The following EPHX2 variants were observed in gnomAD, a reference collection of about 807,000 sequenced individuals.
EPHX2 encodes epoxide hydrolase 2, also known as bifunctional epoxide hydrolase 2.
EPHX2 carries 74 observed loss-of-function variants against 78.7 expected under a neutral mutation model. The observed-to-expected ratio is 0.94, with a 90% CI of 0.78 to 1.14. The LOEUF is 1.14. Ranked by LOEUF, EPHX2 falls within the 50% of genes most tolerant of loss-of-function variation. The pLI is 0.00. For missense variants in EPHX2, 715 were observed against 702.5 expected, an observed-to-expected ratio of 1.02 and a Z score of -0.20; for synonymous variants, 251 against 255.2, an observed-to-expected ratio of 0.98 and a Z score of 0.16.
Position 27,522,327 on chromosome 8 carries a change from G to T in EPHX2, c.973-96G>T, listed in dbSNP as rs1011769444. The T allele has an allele frequency of 2.9e-5, 34 of 1,158,100 alleles. No homozygotes were observed. The South Asian group carries it at 4.6e-4, about 16-fold the overall frequency. 71.7% of individuals were successfully genotyped at this position (1,158,100 alleles called of 1,614,324 possible). A position where few individuals can be genotyped will look rare whatever the true frequency, so the allele number is the denominator to read the frequency against. ...AGAGCTGCTGTGGGTCGGGGGAGGA[G>T]ACCCTGGTGTCGAGGGGCTGGCTGA... On this transcript the variant is annotated intron_variant, in intron 10 of 18. Transcript: ENST00000521400.
At chr8:27,531,884 G>A (rs1022856942) in intron 12 of EPHX2, among the ~76,000 whole-genome samples, 11 of 152,152 alleles carry the variant, frequency 7.2e-5, no homozygotes, top group African/African-American at 2.7e-4. Flanking sequence ...AGGCAATCCT[G>A]TGCCCTCCAC....
chr8:27,525,999 C>T (rs72475898), intron 12 of EPHX2, among the ~76,000 whole-genome samples: 1,790 of 152,340 alleles, frequency 0.012, 34 homozygotes, highest in African/African-American at 0.041. Context: ...CAGGAGTCAA[C>T]GTCACCTGGC....
intron 12 of EPHX2, among the ~76,000 whole-genome samples, chr8:27,526,465 G>A (rs1306813279): frequency 6.6e-6 from 1 of 152,188 alleles, no homozygotes; most frequent in Non-Finnish European, 1.5e-5. Context: ...CCTTTGGCCT[G>A]AATGAAAGCA....
At chr8:27,510,488 G>T (rs1360886359) in intron 5 of EPHX2, among the ~76,000 whole-genome samples, 1 of 152,182 alleles carries the variant, frequency 6.6e-6, no homozygotes, top group Admixed American at 6.5e-5. Context: ...CCTGCCGGTG[G>T]AAGGCTATTA....
At chr8:27,496,988 G>T (rs987771666) in intron 1 of EPHX2, among the ~76,000 whole-genome samples, 1 of 152,222 alleles carries the variant, frequency 6.6e-6, no homozygotes, top group Non-Finnish European at 1.5e-5. Flanking sequence ...TGTGTGAAAA[G>T]AGCAAAGTCT....
intron 6 of EPHX2, 58 bp downstream of exon 6, chr8:27,511,968 G>A (rs1202771196): frequency 9.2e-6 from 14 of 1,518,996 alleles, no homozygotes; most frequent in Admixed American, 1.7e-5. Flanking sequence ...CACCTAAAAC[G>A]ACCAGCAGAG....
In EPHX2 at chr8:27,503,779, T is replaced by C. The variant is rs745864157; in HGVS notation, c.346+16T>C. The C allele has an allele frequency of 3.1e-6, 5 of 1,605,940 alleles. No individual in the cohort carries two copies. Among genetic ancestry groups the C allele is most frequent in the Non-Finnish European group, 3.4e-6 (4 of 1,178,488 alleles). On this transcript the variant is annotated intron_variant, in intron 3 of 18. Transcript: ENST00000521400. ...AGGAAGAAAGGTAAGGATCTGATAC[T>C]GGCCAATCTCAGGCCGAACCACCCA...
chr8:27,524,357 A>G (rs920788138), intron 11 of EPHX2, among the ~76,000 whole-genome samples: 2 of 151,960 alleles, frequency 1.3e-5, no homozygotes, highest in African/African-American at 4.8e-5. Context: ...GTGCTTGATT[A>G]ATCTTCCTGA....
chr8:27,543,663 G>A, intron 16 of EPHX2, 86 bp from the exon 17 acceptor site: 5 of 1,349,438 alleles, frequency 3.7e-6, no homozygotes, highest in Non-Finnish European at 4.2e-6. Context: ...GACCACAGCA[G>A]GGTGGCGAGC....
chr8:27,497,629 C>A (rs1813622174), intron 1 of EPHX2, among the ~76,000 whole-genome samples: 1 of 152,168 alleles, frequency 6.6e-6, no homozygotes, highest in Non-Finnish European at 1.5e-5. Context: ...ATATCTGCGG[C>A]TGATTGGGTA....
intron 9 of EPHX2, 48 bp downstream of exon 9, chr8:27,518,120 G>T (rs755731146): frequency 3.2e-6 from 5 of 1,541,640 alleles, no homozygotes; most frequent in Non-Finnish European, 4.4e-6. Flanking sequence ...GATTTTTGTT[G>T]CTATAAACCC....
intron 8 of EPHX2, 94 bp from the exon 9 acceptor site, chr8:27,517,944 G>C: frequency 1.1e-6 from 1 of 913,322 alleles, no homozygotes; most frequent in South Asian, 1.5e-5. Context: ...GTTGTTGTTT[G>C]GTTTTTGGTT....
intron 5 of EPHX2, among the ~76,000 whole-genome samples, chr8:27,510,172 G>T (rs530653860): frequency 2.0e-5 from 3 of 152,178 alleles, no homozygotes; most frequent in Non-Finnish European, 4.4e-5. Flanking sequence ...CTTAGCTTAC[G>T]TCCCCATTTT....
Position 27,544,517 on chromosome 8 carries a change from A to G in EPHX2, c.1663A>G (p.Met555Val). 6.2e-7 allele frequency: 1 copy of G among 1,613,588 alleles called. No homozygotes were observed. ...CCGGAACCCACCGGTGGTCTCAAAGATGTAGAACGCAGCGTGTGCCCACGC... is the reference window on the plus strand; with the variant it reads ...CCGGAACCCACCGGTGGTCTCAAAGGTGTAGAACGCAGCGTGTGCCCACGC... ...DARNPPVVSK[M>V] Residue 555 changes from methionine to valine, a missense_variant, in exon 19 of 19, where the codon ATG (methionine) becomes GTG (valine). Transcript: ENST00000521400.
chr8:27,532,520 G>A (rs1359200030), intron 12 of EPHX2, among the ~76,000 whole-genome samples: 2 of 152,126 alleles, frequency 1.3e-5, no homozygotes, highest in Non-Finnish European at 2.9e-5. Context: ...AGTTCTTGAG[G>A]CTAGATGTTC....
At chr8:27,508,935 C>G (rs923619548) in intron 5 of EPHX2, among the ~76,000 whole-genome samples, 1 of 148,036 alleles carries the variant, frequency 6.8e-6, no homozygotes, top group East Asian at 2.0e-4. Flanking sequence ...CCCCTGGCAA[C>G]CCCCATCCTG....
At chr8:27,501,330 C>G in intron 2 of EPHX2, among the ~76,000 whole-genome samples, 1 of 54,062 alleles carries the variant, frequency 1.8e-5, no homozygotes, top group South Asian at 6.0e-4. Flanking sequence ...ATATTTTCTT[C>G]TTCTTCTTCT....
intron 1 of EPHX2, among the ~76,000 whole-genome samples, chr8:27,494,294 G>A (rs987265418): frequency 3.9e-5 from 6 of 152,162 alleles, no homozygotes; most frequent in African/African-American, 1.4e-4. Context: ...GGTATTCGTG[G>A]TCACAAGGTC....
intron 13 of EPHX2, 55 bp from the exon 14 acceptor site, chr8:27,538,604 T>C: frequency 6.5e-7 from 1 of 1,526,972 alleles, no homozygotes; most frequent in Non-Finnish European, 9.0e-7. Context: ...GATGAGCATA[T>C]TTCCTTTGTA....
Sources: gnomAD v4.1 joint callset for allele counts (sites outside exome capture counted in the v4.1 genomes callset) on GRCh38, gnomAD v4.1.1 for gene constraint, MANE v1.5 for transcripts, NCBI Gene and HGNC (gene_info 2026-07-23, HGNC 2026-07-21) for gene names.